FUS: variants seen among roughly 807,000 people sequenced by gnomAD.
The protein encoded by FUS is RNA-binding protein FUS.
FUS carries 5 observed loss-of-function variants against 82.7 expected under a neutral mutation model. That is an observed-to-expected ratio of 0.06 (90% CI 0.03 to 0.13). The LOEUF (loss-of-function observed/expected upper bound fraction) is 0.13. FUS is among the 10% of genes least tolerant of loss of function. The pLI is 1.00. For synonymous variants in FUS, 281 were observed against 247.4 expected, an observed-to-expected ratio of 1.14 and a Z score of -1.27; for missense variants, 512 against 707.8, an observed-to-expected ratio of 0.72 and a Z score of 3.14.
At chr16:31,187,767 A>G (rs1351425062) in intron 7 of FUS, 5 of 237,630 alleles carry the variant, frequency 2.1e-5, no homozygotes, top group Non-Finnish European at 4.1e-5. Flanking sequence ...TCCCTGGGAC[A>G]TGCTTAAAAA....
chr16:31,180,150 C>T lies in FUS; in HGVS notation c.-65C>T, dbSNP rs753386875. 25 of 1,589,804 alleles carry T rather than the reference C, an allele frequency of 1.6e-5. No individual in the cohort carries two copies. The Admixed American group carries it at 2.5e-4, about 16-fold the overall frequency. On this transcript the variant is annotated 5_prime_UTR_variant, in exon 1 of 15. Transcript: ENST00000254108. ...CAGGAGGCGGGGCTGCTCAGTCCTC[C>T]AGGCGTCGGTACTCAGCGGTGTTGG... is the stretch of plus-strand genomic sequence containing the variant.
At chr16:31,188,168 A>C in intron 7 of FUS, 157 bp from the exon 8 acceptor site, 1 of 756,436 alleles carries the variant, frequency 1.3e-6, no homozygotes, top group Non-Finnish European at 2.2e-6. Context: ...GCGACCCAGG[A>C]AAGGGTTTGG....
rs2079356961 is a variant in FUS at position 31,191,385 on chromosome 16, T to C, written c.1542-14T>C. ...AATATAATGGATACTTAATTTTTTT[T>C]TTTTTTTTTGCAGGGGTGAGCACAG... On this transcript the variant is annotated splice_polypyrimidine_tract_variant and intron_variant, in intron 14 of 14. Transcript: ENST00000254108. The C allele has an allele frequency of 6.2e-7, 1 of 1,611,404 alleles. No homozygotes were observed.
intron 1 of FUS, 51 bp from the exon 2 acceptor site, chr16:31,182,347 C>G (rs188099864): frequency 6.2e-7 from 1 of 1,606,442 alleles, no homozygotes; most frequent in Non-Finnish European, 8.5e-7. Flanking sequence ...TTTAATTCAA[C>G]TCTTTCAGAG....
chr16:31,194,359 A>G, downstream of FUS: 1 of 517,086 alleles, frequency 1.9e-6, no homozygotes, highest in Non-Finnish European at 3.7e-6. Context: ...TGTGATCTCG[A>G]CCAACTGCAA....
intron 8 of FUS, chr16:31,188,594 C>A (rs1020685058): frequency 1.1e-4 from 63 of 592,106 alleles, no homozygotes; most frequent in African/African-American, 8.6e-4. Flanking sequence ...TGAAAATCTA[C>A]CTTTCTAACA....
chr16:31,187,600 T>G (rs2079289270), intron 7 of FUS: 1 of 231,232 alleles, frequency 4.3e-6, no homozygotes, highest in Non-Finnish European at 8.5e-6. Flanking sequence ...TTGATTTGTT[T>G]CAAGATTTAA....
At position 31,191,019 on chromosome 16, in the gene FUS, T is replaced by A; in HGVS notation, c.1450T>A (p.Tyr484Asn). 1 of 1,613,826 alleles carries A rather than the reference T, an allele frequency of 6.2e-7. No individual in the cohort carries two copies. Among genetic ancestry groups the A allele is most frequent in the African/African-American group, 1.3e-5 (1 of 74,968 alleles). Residue 484 changes from tyrosine (Y) to asparagine (N), a missense_variant, in exon 14 of 15, where the codon TAC (tyrosine) becomes AAC (asparagine). Physicochemically the swap from Tyr to Asn is moderately radical, Grantham distance 143. Around this residue, in one of 6 missense-constraint regions of FUS, gnomAD observed 96 missense variants for 120.7 expected, o/e 0.80. Transcript: ENST00000254108. The part of the protein sequence containing the change: ...GGRGGYDRGG[Y>N]RGRGGDRGGF... ...CAGAGGAGGCTATGATCGAGGCGGCTACCGGGGCCGCGGCGGGGACCGTGG... is the reference window on the plus strand; with the variant it reads ...CAGAGGAGGCTATGATCGAGGCGGCAACCGGGGCCGCGGCGGGGACCGTGG...
chr16:31,180,145 T>C lies in FUS; in HGVS notation c.-70T>C. ...CGACGCAGGAGGCGGGGCTGCTCAGTCCTCCAGGCGTCGGTACTCAGCGGT... is the reference window on the plus strand; with the variant it reads ...CGACGCAGGAGGCGGGGCTGCTCAGCCCTCCAGGCGTCGGTACTCAGCGGT... On this transcript the variant is annotated 5_prime_UTR_variant, in exon 1 of 15. Transcript: ENST00000254108. The C allele has an allele frequency of 6.3e-7, 1 of 1,584,602 alleles. No homozygotes were observed. The highest frequency in any genetic ancestry group is 1.1e-5 in the South Asian group (1 of 87,628).
Position 31,190,990 on chromosome 16 carries a change from G to A in FUS, c.1421G>A (p.Gly474Asp). Residue 474 changes from glycine (G) to aspartate (D), a missense_variant, in exon 14 of 15, where the codon GGT becomes GAT. By Grantham distance (94) the Gly-to-Asp change is moderately conservative. Coordinates refer to ENST00000254108, the MANE Select transcript of FUS (RefSeq NM_004960.4). ...MGGNYGDDRRGGRGGYDRGGY... is the reference protein window; with the variant it reads ...MGGNYGDDRRDGRGGYDRGGY... ...GGTAACTACGGGGATGATCGTCGTG[G>A]TGGCAGAGGAGGCTATGATCGAGGC... The A allele has an allele frequency of 6.2e-7, 1 of 1,613,664 alleles. No individual in the cohort carries two copies. Among genetic ancestry groups the A allele is most frequent in the Non-Finnish European group, 8.5e-7 (1 of 1,179,740 alleles).
At position 31,191,063 on chromosome 16, in the gene FUS, G is replaced by C. The variant is rs748486688; in HGVS notation, c.1494G>C (p.Arg498=). ...ACCGTGGAGGCTTCCGAGGGGGCCG[G>C]GGTGGTGGGGACAGAGGTGGCTTTG... is the stretch of plus-strand genomic sequence containing the variant. ...GGDRGGFRGG[R]GGGDRGGFGP... The change falls in exon 14 of 15, where the codon CGG becomes CGC. Residue 498 remains arginine (R), a synonymous_variant. Coordinates refer to ENST00000254108, the MANE Select transcript of FUS (RefSeq NM_004960.4). The C allele has an allele frequency of 1.2e-6, 2 of 1,613,358 alleles. No homozygotes were observed. Among genetic ancestry groups the C allele is most frequent in the Non-Finnish European group, 1.7e-6 (2 of 1,180,018 alleles).
At chr16:31,184,667 T>C (rs1196528991) in intron 5 of FUS, among the ~76,000 whole-genome samples, 1 of 151,824 alleles carries the variant, frequency 6.6e-6, no homozygotes, top group Admixed American at 6.6e-5. Flanking sequence ...ATGGTTTCGA[T>C]CTCCTGACCT....
chr16:31,194,130 C>A (rs749834692), downstream of FUS: 1 of 532,800 alleles, frequency 1.9e-6, no homozygotes, highest in South Asian at 1.5e-5. Flanking sequence ...TTTTCCCCAT[C>A]TTGTGCCGGG....
At chr16:31,186,557 G>A (rs2079273116) in intron 6 of FUS, 1 of 568,004 alleles carries the variant, frequency 1.8e-6, no homozygotes. Context: ...TTTTCCAGAG[G>A]AAATAGATAA....
chr16:31,189,808 G>C lies in FUS; in HGVS notation c.1066+14G>C, dbSNP rs367842783. The C allele has an allele frequency of 6.2e-7, 1 of 1,613,998 alleles. No individual in the cohort carries two copies. Among genetic ancestry groups the C allele is most frequent in the South Asian group, 1.1e-5 (1 of 91,074 alleles). On this transcript the variant is annotated intron_variant, in intron 10 of 14. Coordinates refer to ENST00000254108, the MANE Select transcript of FUS (RefSeq NM_004960.4). ...ACTGGTTTGATGGTATGTATGAGAA[G>C]GCTGGCAGAGGTGGGGCTGGGGATA...
At chr16:31,180,695 C>T (rs2058044398) in intron 1 of FUS, among the ~76,000 whole-genome samples, 1 of 152,190 alleles carries the variant, frequency 6.6e-6, no homozygotes, top group Admixed American at 6.5e-5. Flanking sequence ...TCGCGAGACC[C>T]TTCGCGGAAG....
downstream of FUS, chr16:31,194,093 G>A (rs1303551253): frequency 1.9e-6 from 1 of 534,142 alleles, no homozygotes; most frequent in East Asian, 3.9e-5. Context: ...CTTCCTTGAT[G>A]TAGCCTTCAG....
rs960535951 is a variant in FUS at position 31,182,431 on chromosome 16, T to A, written c.38+9T>A. 6.2e-6 allele frequency: 10 copies of A among 1,614,088 alleles called. No individual in the cohort carries two copies. The African/African-American group carries it at 1.3e-4, about 22-fold the overall frequency. ...CAACAAGCAACCCAAAGGTGAGTGC[T>A]ATTTTTGGGCTTCCAGAGTTTGTAG... On this transcript the variant is annotated intron_variant, in intron 2 of 14. Transcript: ENST00000254108.
At chr16:31,193,091 C>T (rs1428023399), downstream of FUS, 1 of 483,958 alleles carries the variant, frequency 2.1e-6, no homozygotes, top group African/African-American at 2.0e-5. Flanking sequence ...AGGCATGCGC[C>T]ACCATGCCCA....
Sources: allele counts gnomAD v4.1 joint callset (sites outside exome capture counted in the v4.1 genomes callset), GRCh38; gene constraint gnomAD v4.1.1; regional missense constraint gnomAD v4.1.1; transcripts MANE v1.5; gene names NCBI Gene and HGNC (gene_info 2026-07-23, HGNC 2026-07-21).